FSCN3: variants seen among roughly 807,000 people sequenced by gnomAD.
FSCN3 encodes fascin-3.
FSCN3 carries 43 observed loss-of-function variants against 53.5 expected under a neutral mutation model. That is an observed-to-expected ratio of 0.80 (90% confidence interval 0.63 to 1.04). The LOEUF is 1.04. Among genes scored for constraint, FSCN3 ranks in the 50% least tolerant of loss-of-function variants. FSCN3 has a pLI of 0.00. For synonymous variants in FSCN3, 235 were observed against 246.6 expected (o/e 0.95, Z 0.44); for missense variants, 594 against 646.5 (o/e 0.92, Z 0.88).
In FSCN3 at chr7:127,595,543, C is replaced by T. The variant is rs765815138; in HGVS notation, c.381C>T (p.Ser127=). The T allele has an allele frequency of 1.2e-6, 2 of 1,613,922 alleles. No homozygotes were observed. The highest frequency in any genetic ancestry group is 1.7e-6 in the Non-Finnish European group (2 of 1,179,784). ...ESNGKDVFCT[S]HVLSAYHMWT... ...ATGGCAAGGACGTGTTTTGCACTTC[C>T]CACGTCCTCTCAGCTTACCACATGT... is the stretch of plus-strand genomic sequence containing the variant. The change falls in exon 2 of 7, where the codon TCC becomes TCT. Residue 127 remains serine, a synonymous_variant. Coordinates refer to ENST00000265825, the MANE Select transcript of FSCN3 (RefSeq NM_020369.3).
In FSCN3 at chr7:127,593,806, G is replaced by A. The variant is rs776872964; in HGVS notation, c.-48G>A. On this transcript the variant is annotated 5_prime_UTR_variant, in exon 1 of 7. Transcript: ENST00000265825. ...CTATGGCCTGTGGAACCTCACCACG[G>A]GGGGGAGGGCTGGGCCAGACGGAGA... 3.2e-5 allele frequency: 49 copies of A among 1,550,370 alleles called. 2 individuals are homozygous for A. The Middle Eastern group carries it at 5.4e-3, about 172-fold the overall frequency.
chr7:127,599,363 C>G lies in FSCN3; in HGVS notation c.1121-18C>G. 1 of 1,607,268 alleles carries G rather than the reference C, an allele frequency of 6.2e-7. No individual in the cohort carries two copies. The highest frequency in any genetic ancestry group is 8.5e-7 in the Non-Finnish European group (1 of 1,174,466). On this transcript the variant is annotated intron_variant, in intron 4 of 6. Transcript: ENST00000265825. Reference sequence around the variant, plus strand: ...CTAAAGGCAGCCCATCCAGATAACTCCTTCCTATTTCCTTCAGGCCCAAAT... The same window carrying G: ...CTAAAGGCAGCCCATCCAGATAACTGCTTCCTATTTCCTTCAGGCCCAAAT...
At chr7:127,594,271 T>C (rs1794348347) in intron 1 of FSCN3, among the ~76,000 whole-genome samples, 1 of 111,254 alleles carries the variant, frequency 9.0e-6, no homozygotes, top group Non-Finnish European at 1.7e-5. Context: ...TGTGTGTGTG[T>C]GTGTGTGTGC....
At position 127,597,480 on chromosome 7, in the gene FSCN3, A is replaced by AT. The variant is rs11415174; in HGVS notation, c.961-939dup. On this transcript the variant is annotated intron_variant, in intron 3 of 6. Coordinates refer to ENST00000265825, the MANE Select transcript of FSCN3 (RefSeq NM_020369.3). ...TACCTTATAATTAGTAAGGTTTAGAATTTTTTTTTTTTTTTTGAGATGAAG... is the reference window on the plus strand; with the variant it reads ...TACCTTATAATTAGTAAGGTTTAGAATTTTTTTTTTTTTTTTTGAGATGAAG... Among the ~76,000 whole-genome samples the AT allele has an allele frequency of 8.2e-3, 1,175 of 142,668 alleles. 4 individuals are homozygous for AT. Among genetic ancestry groups the AT allele is most frequent in the Middle Eastern group, 0.018 (5 of 276 alleles). The allele number at this position is 142,668 out of a possible 152,430, so 93.6% of individuals were successfully genotyped here. A position where few individuals can be genotyped will look rare whatever the true frequency, so the allele number is the denominator to read the frequency against.
At chr7:127,594,546 G>A (rs1230690801) in intron 1 of FSCN3, 1 of 470,994 alleles carries the variant, frequency 2.1e-6, no homozygotes. Context: ...GGGTGGTTGT[G>A]TCAGAAAGAG....
At chr7:127,594,267 T>TGTGTGTGTGTGTGTGTGC (rs1794348173) in intron 1 of FSCN3, among the ~76,000 whole-genome samples, 1 of 110,664 alleles carries the variant, frequency 9.0e-6, no homozygotes, top group Admixed American at 8.3e-5. Flanking sequence ...TGTGTGTGTG[T>TGTGTGTGTGTGTGTGTGC]GTGTGTGTGT....
At chr7:127,596,675 G>A (rs1794394939) in intron 3 of FSCN3, 1 of 298,966 alleles carries the variant, frequency 3.3e-6, no homozygotes, top group Non-Finnish European at 6.0e-6. Flanking sequence ...ATACACATAT[G>A]TATAAATTAT....
chr7:127,594,180 G>GTT (rs1794343412), intron 1 of FSCN3, among the ~76,000 whole-genome samples, 183 bp downstream of exon 1: 2 of 150,316 alleles, frequency 1.3e-5, no homozygotes, highest in Non-Finnish European at 3.0e-5. Flanking sequence ...GTGTGTGTGT[G>GTT]TGTGTGTGTG....
At position 127,600,345 on chromosome 7, in the gene FSCN3, C is replaced by T; in HGVS notation, c.1443C>T (p.Gly481=). ...NGFYMRADQS[G]TLLADSEDIT... ...TCTACATGCGAGCCGACCAAAGTGG[C>T]ACCCTGTTGGCAGACAGTGAAGACA... Residue 481 remains glycine (G), a synonymous_variant, in exon 6 of 7, where the codon GGC becomes GGT. Coordinates refer to ENST00000265825, the MANE Select transcript of FSCN3 (RefSeq NM_020369.3). 1 of 1,613,558 alleles carries T rather than the reference C, an allele frequency of 6.2e-7. No individual in the cohort carries two copies. Among genetic ancestry groups the T allele is most frequent in the Non-Finnish European group, 8.5e-7 (1 of 1,179,394 alleles).
In FSCN3 at chr7:127,600,226, T is replaced by C; in HGVS notation, c.1324T>C (p.Phe442Leu). The C allele has an allele frequency of 6.2e-7, 1 of 1,609,932 alleles. No individual in the cohort carries two copies. Among genetic ancestry groups the C allele is most frequent in the Non-Finnish European group, 8.5e-7 (1 of 1,176,128 alleles). Residue 442 changes from phenylalanine to leucine, a missense_variant, in exon 6 of 7, where the codon TTT becomes CTT. Coordinates refer to ENST00000265825, the MANE Select transcript of FSCN3 (RefSeq NM_020369.3). ...QGGSFWSITS[F>L]GTFRPWGKFA... ...GGGATCCTTCTGGTCAATAACATCC[T>C]TTGGCACCTTTCGCCCTTGGGGCAA...
At position 127,593,836 on chromosome 7, in the gene FSCN3, A is replaced by G. The variant is rs1794332246; in HGVS notation, c.-18A>G. On this transcript the variant is annotated 5_prime_UTR_variant, in exon 1 of 7. Transcript: ENST00000265825. ...GAGGGCTGGGCCAGACGGAGACATC[A>G]CCTGTGGTGTCAGCCCCATGGATGA... 2 of 1,557,602 alleles carry G rather than the reference A, an allele frequency of 1.3e-6. No homozygotes were observed. The highest frequency in any genetic ancestry group is 1.7e-6 in the Non-Finnish European group (2 of 1,150,348).
chr7:127,598,135 T>G (rs1050864962), intron 3 of FSCN3, among the ~76,000 whole-genome samples: 5 of 152,236 alleles, frequency 3.3e-5, no homozygotes, highest in Non-Finnish European at 5.9e-5. Flanking sequence ...TAACTTTCAC[T>G]TTTATGCCTA....
In FSCN3 at chr7:127,599,378, C is replaced by G. The variant is rs1794436753; in HGVS notation, c.1121-3C>G. ...CCAGATAACTCCTTCCTATTTCCTT[C>G]AGGCCCAAATGAGGAATTTGGGATT... On this transcript the variant is annotated splice_polypyrimidine_tract_variant and splice_region_variant and intron_variant, in intron 4 of 6. Transcript: ENST00000265825. 1 of 1,611,660 alleles carries G rather than the reference C, an allele frequency of 6.2e-7. No homozygotes were observed. The highest frequency in any genetic ancestry group is 1.3e-5 in the African/African-American group (1 of 74,874).
rs1182155828 is a variant in FSCN3, at chr7:127,595,865, T to G, written c.703T>G (p.Leu235Val). Reference sequence around the variant, plus strand: ...ACTGTGTGATGGAGAAGGAGGCATGTTATATCCACAGGGCACGCATCTGCT... The same window carrying G: ...ACTGTGTGATGGAGAAGGAGGCATGGTATATCCACAGGGCACGCATCTGCT... ...VALCDGEGGM[L>V]YPQGTHLLLG... Residue 235 changes from leucine to valine, a missense_variant, in exon 2 of 7, where the codon TTA becomes GTA. Coordinates refer to ENST00000265825, the MANE Select transcript of FSCN3 (RefSeq NM_020369.3). The G allele has an allele frequency of 6.2e-7, 1 of 1,613,798 alleles. No homozygotes were observed. Among genetic ancestry groups the G allele is most frequent in the African/African-American group, 1.3e-5 (1 of 75,030 alleles).
In FSCN3 at chr7:127,594,002, CAA is replaced by C; in HGVS notation, c.144+7_144+8del. The C allele has an allele frequency of 6.2e-7, 1 of 1,612,578 alleles. No homozygotes were observed. Among genetic ancestry groups the C allele is most frequent in the South Asian group, 1.1e-5 (1 of 90,526 alleles). On this transcript the variant is annotated splice_donor_region_variant and intron_variant, in intron 1 of 6. Transcript: ENST00000265825. ...AAGAGTTTGGGCAGGAGACAGGTGA[CAA>C]AGCAAACCCATGCTGGCACCAGTTT...
In FSCN3 at chr7:127,596,410, G is replaced by A; in HGVS notation, c.924G>A (p.Val308=). 6.2e-7 allele frequency: 1 copy of A among 1,603,984 alleles called. No individual in the cohort carries two copies. The highest frequency in any genetic ancestry group is 8.5e-7 in the Non-Finnish European group (1 of 1,170,774). The change falls in exon 3 of 7, where the codon GTG becomes GTA. Residue 308 remains valine (V), a synonymous_variant. Coordinates refer to ENST00000265825, the MANE Select transcript of FSCN3 (RefSeq NM_020369.3). ...QFECDSESPT[V]QLRSANGYYL... ...AATGTGACAGTGAGAGCCCCACTGT[G>A]CAGCTTCGTTCAGCCAATGGCTACT...
At chr7:127,597,760 G>T (rs1382828149) in intron 3 of FSCN3, among the ~76,000 whole-genome samples, 2 of 152,204 alleles carry the variant, frequency 1.3e-5, no homozygotes, top group African/African-American at 4.8e-5. Context: ...TTACAGGCAT[G>T]AGCCACCGTG....
chr7:127,600,423 G>C (rs756196787), intron 6 of FSCN3, 24 bp downstream of exon 6: 1 of 1,415,096 alleles, frequency 7.1e-7, no homozygotes, highest in Admixed American at 1.7e-5. Context: ...ACAGGTAAGG[G>C]GCTAGGGGAG....
chr7:127,596,025 G>T (rs765995498), intron 2 of FSCN3, 22 bp downstream of exon 2: 4 of 1,519,656 alleles, frequency 2.6e-6, no homozygotes, highest in Non-Finnish European at 1.8e-6. Context: ...ACCCAACACA[G>T]ATGGAGGGAG....
Sources: gnomAD v4.1 joint callset for allele counts (sites outside exome capture counted in the v4.1 genomes callset) on GRCh38, gnomAD v4.1.1 for gene constraint, MANE v1.5 for transcripts, NCBI Gene and HGNC (gene_info 2026-07-23, HGNC 2026-07-21) for gene names.